The following SNTG1 variants were observed in gnomAD, a reference collection of about 807,000 sequenced individuals.
The protein encoded by SNTG1 is syntrophin gamma 1.
Under a neutral mutation model 74.7 loss-of-function variants are expected in SNTG1, and 39 were observed. The ratio of observed to expected loss-of-function variants is 0.52; its 90% CI spans 0.40 to 0.68. The LOEUF is 0.68. Ranked by LOEUF, SNTG1 falls within the 30% of genes least tolerant of loss-of-function variation. The probability of loss-of-function intolerance (pLI) is 0.00; values close to 1 mark genes in which losing one functional copy is unlikely to be tolerated. For missense variants in SNTG1, 685 were observed against 609.5 expected, an observed-to-expected ratio of 1.12 and a Z score of -1.30; for synonymous variants, 254 against 217.1, an observed-to-expected ratio of 1.17 and a Z score of -1.49.
intron 18 of SNTG1, among the ~76,000 whole-genome samples, chr8:50,758,472 C>G (rs2095587468): frequency 6.6e-6 from 1 of 151,918 alleles, no homozygotes; most frequent in African/African-American, 2.4e-5. Flanking sequence ...CCTTCCCTGC[C>G]CCACCCCACC....
At chr8:49,951,086 T>C (rs2129391027) in intron 1 of SNTG1, among the ~76,000 whole-genome samples, 1 of 152,260 alleles carries the variant, frequency 6.6e-6, no homozygotes, top group Non-Finnish European at 1.5e-5. Context: ...ACACTTGCAT[T>C]TGGGGGGATA....
chr8:50,088,308 G>T (rs1256059520), intron 1 of SNTG1, among the ~76,000 whole-genome samples: 2 of 145,252 alleles, frequency 1.4e-5, no homozygotes, highest in African/African-American at 2.5e-5. Flanking sequence ...ATACTGAATG[G>T]GCAAAAACTG....
At chr8:50,502,998 T>A (rs1282219514) in intron 9 of SNTG1, 118 bp downstream of exon 9, 3 of 738,110 alleles carry the variant, frequency 4.1e-6, no homozygotes, top group Non-Finnish European at 4.4e-6. Context: ...ACTGTAAACA[T>A]TTTTATATTA....
chr8:50,501,629 T>G (rs1397833280), intron 8 of SNTG1, among the ~76,000 whole-genome samples: 1 of 145,738 alleles, frequency 6.9e-6, no homozygotes, highest in Non-Finnish European at 1.5e-5. Flanking sequence ...TTTTTTTTTT[T>G]GTATTTTTAG....
intron 1 of SNTG1, among the ~76,000 whole-genome samples, chr8:49,979,143 G>A (rs1326762537): frequency 6.6e-6 from 1 of 152,224 alleles, no homozygotes; most frequent in East Asian, 1.9e-4. Flanking sequence ...TAGCAGGCGG[G>A]GAAGGACTGT....
chr8:50,715,136 C>T (rs9298378), intron 17 of SNTG1, among the ~76,000 whole-genome samples: 6,756 of 152,158 alleles, frequency 0.044, 396 homozygotes, highest in African/African-American at 0.12. Flanking sequence ...GCATTGGAAT[C>T]CCACACCTGA....
At chr8:50,716,661 C>CA (rs1344408372) in intron 17 of SNTG1, among the ~76,000 whole-genome samples, 3 of 150,506 alleles carry the variant, frequency 2.0e-5, no homozygotes, top group African/African-American at 7.3e-5. Flanking sequence ...GAATGACATT[C>CA]AAAAAAACCC....
intron 8 of SNTG1, among the ~76,000 whole-genome samples, chr8:50,452,887 A>T (rs1039223610): frequency 1.3e-5 from 2 of 152,226 alleles, no homozygotes; most frequent in Non-Finnish European, 2.9e-5. Context: ...TAATCAACCT[A>T]CAAGGGCAGA....
At chr8:50,626,357 T>C (rs1013109904) in intron 13 of SNTG1, among the ~76,000 whole-genome samples, 1 of 152,156 alleles carries the variant, frequency 6.6e-6, no homozygotes, top group Non-Finnish European at 1.5e-5. Flanking sequence ...CAATGTGTTA[T>C]TGGACTGTCC....
intron 2 of SNTG1, among the ~76,000 whole-genome samples, chr8:50,189,683 C>T (rs1248001078): frequency 6.6e-6 from 1 of 152,114 alleles, no homozygotes; most frequent in Non-Finnish European, 1.5e-5. Flanking sequence ...ACCTCTGTGT[C>T]AAGCCTCCTT....
At chr8:50,791,938 G>A (rs1216962538) in intron 18 of SNTG1, among the ~76,000 whole-genome samples, 1 of 151,626 alleles carries the variant, frequency 6.6e-6, no homozygotes, top group Admixed American at 6.6e-5. Context: ...ACAAAATTAT[G>A]GTTTGAAATA....
At chr8:50,167,323 T>G (rs1310109160) in intron 1 of SNTG1, among the ~76,000 whole-genome samples, 2 of 143,562 alleles carry the variant, frequency 1.4e-5, no homozygotes, top group African/African-American at 5.2e-5. Flanking sequence ...AAAAATAAAA[T>G]AAAATAAAAT....
At chr8:50,658,167 G>A (rs2095195418) in intron 14 of SNTG1, among the ~76,000 whole-genome samples, 1 of 152,048 alleles carries the variant, frequency 6.6e-6, no homozygotes, top group Non-Finnish European at 1.5e-5. Flanking sequence ...CAATGTCACA[G>A]TCATCTTGGA....
chr8:50,532,821 C>G (rs2094279846), intron 10 of SNTG1, among the ~76,000 whole-genome samples: 1 of 152,146 alleles, frequency 6.6e-6, no homozygotes, highest in Non-Finnish European at 1.5e-5. Flanking sequence ...TATAGACAGT[C>G]TATTTAAAAG....
At chr8:50,078,254 T>G (rs990881576) in intron 1 of SNTG1, among the ~76,000 whole-genome samples, 1 of 152,188 alleles carries the variant, frequency 6.6e-6, no homozygotes, top group East Asian at 1.9e-4. Flanking sequence ...TTTTGGCAAT[T>G]CTAGTTCCTT....
chr8:50,704,136 G>T (rs1285566697), intron 15 of SNTG1, among the ~76,000 whole-genome samples: 5 of 151,000 alleles, frequency 3.3e-5, no homozygotes, highest in African/African-American at 1.2e-4. Flanking sequence ...CAATATTATT[G>T]CTGTAGACAA....
intron 2 of SNTG1, among the ~76,000 whole-genome samples, chr8:50,385,051 C>T (rs886080750): frequency 6.6e-6 from 1 of 152,186 alleles, no homozygotes; most frequent in Non-Finnish European, 1.5e-5. Flanking sequence ...CTCCCAAATT[C>T]TGAGGACTTG....
At chr8:50,081,969 A>G (rs1331823583) in intron 1 of SNTG1, among the ~76,000 whole-genome samples, 3 of 152,158 alleles carry the variant, frequency 2.0e-5, no homozygotes, top group Admixed American at 1.3e-4. Flanking sequence ...CCTGTGCATT[A>G]GACTGGAAAA....
chr8:49,938,603 T>TTTTCTTTTCTTTTTTTTCTTTTCTTTC lies in SNTG1; in HGVS notation c.-103+26379_-103+26380insTCTTTTTTTTCTTTTCTTTCTTTCTTT. Reference sequence around the variant, plus strand: ...TTTTCTTTTCTTTTCTTTTCTTTTCTTTTCTTTCTTTCTTTCTTTCTTTCT... The same window carrying TTTTCTTTTCTTTTTTTTCTTTTCTTTC: ...TTTTCTTTTCTTTTCTTTTCTTTTCTTTTCTTTTCTTTTTTTTCTTTTCTTTCTTTCTTTCTTTCTTTCTTTCTTTCT... On this transcript the variant is annotated intron_variant, in intron 1 of 18. Coordinates refer to ENST00000642720, the MANE Select transcript of SNTG1 (RefSeq NM_018967.5). Among the ~76,000 whole-genome samples, 31 of 74,764 alleles carry TTTTCTTTTCTTTTTTTTCTTTTCTTTC rather than the reference T, an allele frequency of 4.1e-4. 4 individuals carry two copies. The highest frequency in any genetic ancestry group is 6.5e-3 in the Middle Eastern group (1 of 154). The allele number at this position is 74,764 out of a possible 152,430, so 49.0% of individuals were successfully genotyped here.
Sources: gnomAD v4.1 joint callset for allele counts (sites outside exome capture counted in the v4.1 genomes callset) on GRCh38, gnomAD v4.1.1 for gene constraint, MANE v1.5 for transcripts, NCBI Gene and HGNC (gene_info 2026-07-23, HGNC 2026-07-21) for gene names.